The following LARP4B variants were observed in gnomAD, a reference collection of about 807,000 sequenced individuals.
LARP4B encodes La ribonucleoprotein 4B.
In LARP4B, 12 loss-of-function variants were observed where a neutral mutation model predicts 89.8. The observed-to-expected ratio is 0.13, with a 90% CI of 0.09 to 0.22. The LOEUF (loss-of-function observed/expected upper bound fraction) is 0.22. Ranked by LOEUF, LARP4B falls within the 10% of genes least tolerant of loss-of-function variation. The pLI is 1.00. For missense variants in LARP4B, 757 were observed against 947.7 expected (o/e 0.80, Z 2.64); for synonymous variants, 367 against 363.3 (o/e 1.01, Z -0.12).
At chr10:845,147 G>A (rs1428451094) in intron 5 of LARP4B, 92 bp from the exon 6 acceptor site, 17 of 824,936 alleles carry the variant, frequency 2.1e-5, no homozygotes, top group South Asian at 8.6e-5. Flanking sequence ...TTCAACTTAC[G>A]TTCTGACACA....
At chr10:988,284 A>T in the LARP4B span, 1 of 580,318 alleles carries the variant, frequency 1.7e-6, no homozygotes. Flanking sequence ...TGAGGCCCTC[A>T]CACGCCCTCC....
chr10:826,907 A>G (rs1444394389), intron 11 of LARP4B, among the ~76,000 whole-genome samples: 1 of 152,252 alleles, frequency 6.6e-6, no homozygotes, highest in Non-Finnish European at 1.5e-5. Context: ...ATAAAATCAT[A>G]CAAAAGGGAA....
chr10:862,262 A>AC (rs1197968623), intron 5 of LARP4B, among the ~76,000 whole-genome samples: 5 of 147,994 alleles, frequency 3.4e-5, no homozygotes, highest in African/African-American at 4.9e-5. Flanking sequence ...AAGTTAAAAA[A>AC]AAAAAAAAAA....
At chr10:838,324 G>C (rs1198762215) in intron 7 of LARP4B, among the ~76,000 whole-genome samples, 1 of 152,138 alleles carries the variant, frequency 6.6e-6, no homozygotes, top group African/African-American at 2.4e-5. Flanking sequence ...ACGTCAACAG[G>C]ATGAGAAGCC....
chr10:912,893 C>T (rs181654914), intron 1 of LARP4B, among the ~76,000 whole-genome samples: 9 of 152,152 alleles, frequency 5.9e-5, no homozygotes, highest in African/African-American at 2.2e-4. Context: ...GACTTTCTGA[C>T]ATTTAGCTAG....
chr10:917,852 G>C (rs1185648518), intron 1 of LARP4B, among the ~76,000 whole-genome samples: 1 of 152,142 alleles, frequency 6.6e-6, no homozygotes, highest in South Asian at 2.1e-4. Flanking sequence ...ATCAGCCCAA[G>C]TATAATACTA....
At position 836,500 on chromosome 10, in the gene LARP4B, G is replaced by A; in HGVS notation, c.653C>T (p.Pro218Leu). 1 of 1,601,806 alleles carries A rather than the reference G, an allele frequency of 6.2e-7. No homozygotes were observed. The highest frequency in any genetic ancestry group is 8.5e-7 in the Non-Finnish European group (1 of 1,170,806). Residue 218 changes from proline to leucine, a missense_variant, in exon 8 of 18, where the codon CCT (proline) becomes CTT (leucine). Pro to Leu is a moderately conservative substitution (Grantham distance 98). Transcript: ENST00000316157. ...TCCCTTTTCATCCACTTGGACTAAA[G>A]GTAAAGCTACAAAGAGAAGAAAAAT... ...DLIVEVLRSL[P>L]LVQVDEKGEK...
the LARP4B span, among the ~76,000 whole-genome samples, chr10:947,878 C>T: frequency 6.6e-6 from 1 of 152,152 alleles, no homozygotes; most frequent in Non-Finnish European, 1.5e-5. Context: ...CCACCTCGGC[C>T]TCCAAAAGTG....
intron 3 of LARP4B, among the ~76,000 whole-genome samples, chr10:880,712 T>C (rs776421671): frequency 2.0e-5 from 3 of 152,054 alleles, no homozygotes; most frequent in South Asian, 2.1e-4. Context: ...CATTCTGATA[T>C]AGATGTTTTG....
At chr10:882,039 C>A (rs936948282) in intron 3 of LARP4B, among the ~76,000 whole-genome samples, 1 of 152,182 alleles carries the variant, frequency 6.6e-6, no homozygotes, top group Non-Finnish European at 1.5e-5. Context: ...AGACACAGAG[C>A]ATGTTTGTGC....
At chr10:819,890 T>C (rs1588851320) in intron 14 of LARP4B, 1 of 152,206 alleles carries the variant, frequency 6.6e-6, no homozygotes, top group East Asian at 1.9e-4. Flanking sequence ...TTTGTCCAGG[T>C]CTCCTCCAGC....
At chr10:872,934 C>G in intron 3 of LARP4B, 1 of 743,648 alleles carries the variant, frequency 1.3e-6, no homozygotes, top group Non-Finnish European at 1.6e-6. Flanking sequence ...CCAGACCCTG[C>G]GAAAATCCTT....
the LARP4B span, among the ~76,000 whole-genome samples, chr10:940,810 C>T: frequency 1.3e-5 from 2 of 151,706 alleles, no homozygotes; most frequent in Non-Finnish European, 2.9e-5. Context: ...GAGGCCACTG[C>T]GAGACTTTGA....
At chr10:860,496 A>G (rs1278109391) in intron 5 of LARP4B, among the ~76,000 whole-genome samples, 1 of 152,332 alleles carries the variant, frequency 6.6e-6, no homozygotes, top group East Asian at 1.9e-4. Flanking sequence ...AAATGAAAAC[A>G]TATGTTTATA....
At chr10:831,075 T>C (rs1210687255) in intron 8 of LARP4B, 98 bp from the exon 9 acceptor site, 1 of 543,398 alleles carries the variant, frequency 1.8e-6, no homozygotes, top group Non-Finnish European at 3.3e-6. Context: ...TAAGGAACTA[T>C]CCTTAAACAA....
intron 7 of LARP4B, among the ~76,000 whole-genome samples, chr10:839,640 C>T: frequency 6.6e-6 from 1 of 152,184 alleles, no homozygotes; most frequent in Admixed American, 6.5e-5. Flanking sequence ...AACATGATTG[C>T]ATACGAAGTG....
intron 7 of LARP4B, among the ~76,000 whole-genome samples, chr10:839,065 C>T (rs1292437322): frequency 1.1e-4 from 16 of 151,870 alleles, no homozygotes; most frequent in South Asian, 2.1e-4. Flanking sequence ...AAAGGCAAAA[C>T]TACAGAGGCA....
At chr10:961,900 G>T in the LARP4B span, among the ~76,000 whole-genome samples, 1 of 152,130 alleles carries the variant, frequency 6.6e-6, no homozygotes, top group Non-Finnish European at 1.5e-5. Flanking sequence ...GAGGTTTGGG[G>T]AGACAAATAT....
the LARP4B span, among the ~76,000 whole-genome samples, chr10:964,517 G>A: frequency 1.3e-5 from 2 of 152,120 alleles, no homozygotes; most frequent in Admixed American, 6.6e-5. Flanking sequence ...GATGTCAAAC[G>A]CTGTTGCAGC....
Sources: allele counts gnomAD v4.1 joint callset (sites outside exome capture counted in the v4.1 genomes callset), GRCh38; gene constraint gnomAD v4.1.1; transcripts MANE v1.5; gene names NCBI Gene and HGNC (gene_info 2026-07-23, HGNC 2026-07-21).